MICAL2: variants seen among roughly 807,000 people sequenced by gnomAD.
MICAL2 encodes the protein [F-actin]-monooxygenase MICAL2.
In MICAL2, 77 loss-of-function variants were observed where a neutral mutation model predicts 127.3. That is an observed-to-expected ratio of 0.60 (90% CI 0.50 to 0.73). The LOEUF (loss-of-function observed/expected upper bound fraction) is 0.73. MICAL2 is among the 30% of genes least tolerant of loss of function. MICAL2 has a pLI of 0.00. For missense variants in MICAL2, 1,351 were observed against 1,434.4 expected (o/e 0.94, Z 0.94); for synonymous variants, 570 against 551.1 (o/e 1.03, Z -0.48).
downstream of MICAL2, among the ~76,000 whole-genome samples, chr11:12,265,328 C>T (rs961332771): frequency 1.3e-5 from 2 of 152,050 alleles, no homozygotes; most frequent in Non-Finnish European, 1.5e-5. Flanking sequence ...TTTTGGTAGA[C>T]TAGTGTTTAA....
In MICAL2 at chr11:12,255,325, A is replaced by T. The variant is rs1197887794; in HGVS notation, c.2848-318A>T. 9.6e-6 allele frequency: 3 copies of T among 313,690 alleles called. No individual in the cohort carries two copies. In the Admixed American group the frequency reaches 1.2e-4, roughly 13 times the overall value. 19.4% of individuals were successfully genotyped at this position (313,690 alleles called of 1,614,324 possible). A position where few individuals can be genotyped will look rare whatever the true frequency, so the allele number is the denominator to read the frequency against. On this transcript the variant is annotated intron_variant, in intron 22 of 27. Coordinates refer to ENST00000683283, the MANE Select transcript of MICAL2 (RefSeq NM_001282663.2). ...GAACTCTTAGTTGTTGTAAAACTGG[A>T]ACTCTGTACCCACTAAACAACAGCA...
At chr11:12,296,399 A>G (rs1339328263), downstream of MICAL2, among the ~76,000 whole-genome samples, 1 of 151,626 alleles carries the variant, frequency 6.6e-6, no homozygotes, top group Non-Finnish European at 1.5e-5. Context: ...CAGGTTCAGG[A>G]TAAGCATGGA....
At chr11:12,128,433 A>G (rs7118296) in intron 1 of MICAL2, among the ~76,000 whole-genome samples, 32,951 of 152,230 alleles carry the variant, frequency 0.22, 3,843 homozygotes, top group South Asian at 0.38. Context: ...AAGACTTGAC[A>G]AGGTCACATA....
At chr11:12,224,528 C>T (rs1857179449) in intron 12 of MICAL2, 145 bp from the exon 13 acceptor site, 1 of 1,011,938 alleles carries the variant, frequency 9.9e-7, no homozygotes, top group Non-Finnish European at 1.4e-6. Context: ...GGAGCTGCAC[C>T]CGTGCCAGTG....
chr11:12,196,950 C>T (rs10831758), intron 3 of MICAL2, among the ~76,000 whole-genome samples: 47,272 of 152,124 alleles, frequency 0.31, 9,271 homozygotes, highest in African/African-American at 0.55. Flanking sequence ...CCTCAATTCT[C>T]CATTCATGGT....
chr11:12,215,859 C>T (rs1403119935), intron 7 of MICAL2, among the ~76,000 whole-genome samples: 1 of 152,212 alleles, frequency 6.6e-6, no homozygotes, highest in Non-Finnish European at 1.5e-5. Context: ...GGACTTGGAG[C>T]TAGATGGGCT....
chr11:12,236,354 G>C, intron 16 of MICAL2, 109 bp downstream of exon 16: 1 of 958,870 alleles, frequency 1.0e-6, no homozygotes, highest in Non-Finnish European at 1.7e-6. Context: ...CCTCTCTCAT[G>C]AACCACTGGG....
chr11:12,277,605 T>G (rs1863735268), intron 1 of MICAL2, among the ~76,000 whole-genome samples: 1 of 152,092 alleles, frequency 6.6e-6, no homozygotes, highest in Non-Finnish European at 1.5e-5. Flanking sequence ...GTGTCTGGGC[T>G]AAGAGAAGGT....
intron 34 of MICAL2, among the ~76,000 whole-genome samples, chr11:12,355,297 G>A (rs1270561115): frequency 6.6e-6 from 1 of 152,152 alleles, no homozygotes; most frequent in Non-Finnish European, 1.5e-5. Context: ...AGAAAGGCGG[G>A]CCTAGTGCTG....
In MICAL2 at chr11:12,358,148, C is replaced by T. The variant is rs557539301; in HGVS notation, c.5690-147C>T. The T allele has an allele frequency of 1.3e-4, 92 of 702,264 alleles. No individual in the cohort carries two copies. In the Admixed American group the frequency reaches 2.1e-3, roughly 16 times the overall value. 43.5% of individuals were successfully genotyped at this position (702,264 alleles called of 1,614,324 possible). On this transcript the variant is annotated intron_variant, in intron 34 of 34. Transcript: ENST00000646065. ...CCTTTCTCATCTCTCACTCTAAGGG[C>T]GGTTCCTTGGTGTTAAATTCATTTC...
intron 23 of MICAL2, chr11:12,255,968 A>T (rs1433015153): frequency 4.0e-6 from 2 of 500,546 alleles, no homozygotes; most frequent in Non-Finnish European, 3.6e-6. Flanking sequence ...TCTTTTTGAA[A>T]ATAGAGATCT....
At chr11:12,346,707 G>A (rs1198277507) in intron 32 of MICAL2, among the ~76,000 whole-genome samples, 2 of 152,106 alleles carry the variant, frequency 1.3e-5, no homozygotes, top group African/African-American at 2.4e-5. Flanking sequence ...ATTTGGCTAC[G>A]TTGGTTTTCC....
intron 1 of MICAL2, among the ~76,000 whole-genome samples, chr11:12,129,952 A>G (rs1385888853): frequency 2.6e-5 from 4 of 152,106 alleles, no homozygotes; most frequent in African/African-American, 4.8e-5. Context: ...ACTCTAAGTT[A>G]TCCTTCCATC....
chr11:12,330,833 C>CAG (rs1422663669), intron 32 of MICAL2, among the ~76,000 whole-genome samples: 49 of 132,650 alleles, frequency 3.7e-4, no homozygotes, highest in South Asian at 7.6e-4. Flanking sequence ...GAGAGACAGA[C>CAG]AGAGAGAGAG....
intron 26 of MICAL2, chr11:12,260,906 A>G (rs1863029495): frequency 2.0e-6 from 2 of 985,324 alleles, no homozygotes; most frequent in South Asian, 9.4e-5. Context: ...ACAAACATGC[A>G]TTTTCCCTTC....
intron 1 of MICAL2, among the ~76,000 whole-genome samples, chr11:12,130,922 C>T (rs1851360013): frequency 6.6e-6 from 1 of 152,212 alleles, no homozygotes; most frequent in Non-Finnish European, 1.5e-5. Flanking sequence ...GCACCTGGAA[C>T]TGCTTCTCAG....
chr11:12,350,164 TG>T (rs1171133400), intron 33 of MICAL2, among the ~76,000 whole-genome samples: 3 of 152,236 alleles, frequency 2.0e-5, no homozygotes, highest in African/African-American at 7.2e-5. Context: ...AAATAGGTTT[TG>T]GGTAATGGGT....
intron 8 of MICAL2, among the ~76,000 whole-genome samples, chr11:12,217,111 C>G (rs1350743449): frequency 2.6e-5 from 4 of 152,148 alleles, no homozygotes; most frequent in South Asian, 2.1e-4. Context: ...CTTCTTCGGA[C>G]AGGTGTACAA....
intron 1 of MICAL2, among the ~76,000 whole-genome samples, chr11:12,128,775 C>G (rs1851158830): frequency 6.6e-6 from 1 of 152,228 alleles, no homozygotes; most frequent in African/African-American, 2.4e-5. Context: ...AAGTTCAAAT[C>G]CTGGCTCCAG....
Sources: allele counts gnomAD v4.1 joint callset (sites outside exome capture counted in the v4.1 genomes callset), GRCh38; gene constraint gnomAD v4.1.1; transcripts MANE v1.5; gene names NCBI Gene and HGNC (gene_info 2026-07-23, HGNC 2026-07-21).